Variants in SLC35A5 observed in about 807,000 individuals in gnomAD.
The protein encoded by SLC35A5 is UDP-sugar transporter protein SLC35A5.
Under a neutral mutation model 36.3 loss-of-function variants are expected in SLC35A5, and 28 were observed. That is an observed-to-expected ratio of 0.77 (90% CI 0.57 to 1.06). The LOEUF is 1.06. Among genes scored for constraint, SLC35A5 ranks in the 50% least tolerant of loss-of-function variants. The pLI, the probability that SLC35A5 is intolerant of heterozygous loss-of-function variation, is 0.00. For synonymous variants in SLC35A5, 180 were observed against 173.7 expected (o/e 1.04, Z -0.29); for missense variants, 521 against 499.3 (o/e 1.04, Z -0.41).
Position 112,563,522 on chromosome 3 carries a change from C to G in SLC35A5, c.119C>G (p.Ser40Cys). 1 of 1,601,032 alleles carries G rather than the reference C, an allele frequency of 6.2e-7. No homozygotes were observed. The highest frequency in any genetic ancestry group is 8.5e-7 in the Non-Finnish European group (1 of 1,170,260). ...AGTCGCATCTTACTAGTGAAGTATT[C>G]TGCCAATGAAGGTAAGTTAAGACTT... ...SSSRILLVKY[S>C]ANEENKYDYL... is the part of the protein sequence containing the mutation. The change falls in exon 2 of 7, where the codon TCT becomes TGT. Residue 40 changes from serine (S) to cysteine (C), a missense_variant. Transcript: ENST00000492406.
At position 112,584,075 on chromosome 3, in the gene SLC35A5, A is replaced by T. The variant is rs1442289303; in HGVS notation, c.*1339A>T. 6.6e-6 allele frequency: 1 copy of T among 152,182 alleles called. No homozygotes were observed. Among genetic ancestry groups the T allele is most frequent in the Non-Finnish European group, 1.5e-5 (1 of 68,030 alleles). The allele number at this position is 152,182 out of a possible 1,614,324, so 9.4% of individuals were successfully genotyped here. Reference sequence around the variant, plus strand: ...GATGAATATAAGGTAATATACTATTATATAATTCATTTGTGATATCCACAA... The same window carrying T: ...GATGAATATAAGGTAATATACTATTTTATAATTCATTTGTGATATCCACAA... On this transcript the variant is annotated 3_prime_UTR_variant, in exon 7 of 7. Transcript: ENST00000492406.
In SLC35A5 at chr3:112,569,237, G is replaced by A. The variant is rs1162399639; in HGVS notation, c.197G>A (p.Cys66Tyr). The A allele has an allele frequency of 6.2e-7, 1 of 1,613,990 alleles. No individual in the cohort carries two copies. The highest frequency in any genetic ancestry group is 1.7e-5 in the Admixed American group (1 of 60,018). ...TCAGAACTGGTGAAGCTAGTTTTCT[G>A]TGTGCTTGTGTCATTCTGTGTTATA... ...VCSELVKLVF[C>Y]VLVSFCVIKK... is the part of the protein sequence containing the mutation. Residue 66 changes from cysteine to tyrosine, a missense_variant, in exon 3 of 7, where the codon TGT (cysteine) becomes TAT (tyrosine). Transcript: ENST00000492406.
chr3:112,579,808 C>T (rs1408860772), intron 5 of SLC35A5, among the ~76,000 whole-genome samples: 1 of 152,066 alleles, frequency 6.6e-6, no homozygotes, highest in East Asian at 1.9e-4. Flanking sequence ...CTTTATCGCC[C>T]CAGGTTGCCT....
At chr3:112,574,089 G>A in intron 5 of SLC35A5, 133 bp downstream of exon 5, 1 of 712,564 alleles carries the variant, frequency 1.4e-6, no homozygotes. Flanking sequence ...TTGTGTACTG[G>A]GCACGTTTAA....
intron 2 of SLC35A5, among the ~76,000 whole-genome samples, chr3:112,568,424 G>A (rs1314893091): frequency 2.0e-5 from 3 of 152,218 alleles, no homozygotes; most frequent in African/African-American, 4.8e-5. Context: ...AAAGCGAGTT[G>A]TTTGTAAGCA....
At chr3:112,565,980 T>G (rs1934180286) in intron 2 of SLC35A5, among the ~76,000 whole-genome samples, 1 of 152,158 alleles carries the variant, frequency 6.6e-6, no homozygotes, top group South Asian at 2.1e-4. Flanking sequence ...GGTAGCTGGA[T>G]GGCAGTGGAA....
chr3:112,577,869 CTCTT>C (rs1315960342), intron 5 of SLC35A5, among the ~76,000 whole-genome samples: 1 of 152,136 alleles, frequency 6.6e-6, no homozygotes, highest in Non-Finnish European at 1.5e-5. Context: ...CCTTGTCACT[CTCTT>C]TGTGCTACTA....
rs532044551 is a variant in SLC35A5 at position 112,581,995 on chromosome 3, A to G, written c.1209+669A>G. On this transcript the variant is annotated intron_variant, in intron 6 of 6. Coordinates refer to ENST00000492406, the MANE Select transcript of SLC35A5 (RefSeq NM_017945.5). ...GCAATTGTTTTGGAAGGCTCTGTCA[A>G]TCATTTTATTGGCAAGTTAATGATC... Among the ~76,000 whole-genome samples the G allele has an allele frequency of 1.3e-4, 20 of 152,328 alleles. No homozygotes were observed. The South Asian group carries it at 3.3e-3, about 25-fold the overall frequency.
rs552073239 is a variant in SLC35A5 at position 112,563,485 on chromosome 3, G to T, written c.82G>T (p.Ala28Ser). 6.2e-7 allele frequency: 1 copy of T among 1,607,770 alleles called. No homozygotes were observed. The highest frequency in any genetic ancestry group is 2.2e-5 in the East Asian group (1 of 44,750). Residue 28 changes from alanine to serine, a missense_variant, in exon 2 of 7, where the codon GCT becomes TCT. Coordinates refer to ENST00000492406, the MANE Select transcript of SLC35A5 (RefSeq NM_017945.5). ...YTFLLGAIFI[A>S]LSSSRILLVK... is the part of the protein sequence containing the mutation. ...ATTCCTGCTAGGTGCCATATTCATTGCTTTAAGCTCAAGTCGCATCTTACT... is the reference window on the plus strand; with the variant it reads ...ATTCCTGCTAGGTGCCATATTCATTTCTTTAAGCTCAAGTCGCATCTTACT...
chr3:112,567,789 A>C (rs756149419), intron 2 of SLC35A5, among the ~76,000 whole-genome samples: 1 of 152,234 alleles, frequency 6.6e-6, no homozygotes, highest in Non-Finnish European at 1.5e-5. Context: ...GGACTGCAAG[A>C]AAACCACTGA....
Position 112,569,160 on chromosome 3 carries a change from T to C in SLC35A5, c.131-11T>C. The stretch of plus-strand genomic sequence containing the variant: ...AATATATAGTTAAAAAACATTTCTG[T>C]TACATTTCAGAAAACAAGTATGATT... On this transcript the variant is annotated splice_polypyrimidine_tract_variant and intron_variant, in intron 2 of 6. Coordinates refer to ENST00000492406, the MANE Select transcript of SLC35A5 (RefSeq NM_017945.5). The C allele has an allele frequency of 1.3e-6, 2 of 1,597,288 alleles. No individual in the cohort carries two copies. Among genetic ancestry groups the C allele is most frequent in the Non-Finnish European group, 1.7e-6 (2 of 1,165,446 alleles).
chr3:112,563,648 AGTGATAAAGCATATTT>A (rs1934054567), intron 2 of SLC35A5, 115 bp downstream of exon 2: 16 of 1,094,944 alleles, frequency 1.5e-5, no homozygotes, highest in Non-Finnish European at 1.9e-5. Context: ...GCTTCATGTG[AGTGATAAAGCATATTT>A]AAATTTGATT....
chr3:112,581,530 T>C (rs1428398995), intron 6 of SLC35A5, among the ~76,000 whole-genome samples: 1 of 152,210 alleles, frequency 6.6e-6, no homozygotes, highest in Non-Finnish European at 1.5e-5. Flanking sequence ...AGAAAAAGTA[T>C]AAGTCAATCT....
At chr3:112,573,815 G>T in intron 4 of SLC35A5, 74 bp from the exon 5 acceptor site, 2 of 1,260,146 alleles carry the variant, frequency 1.6e-6, no homozygotes, top group South Asian at 1.3e-5. Context: ...TTTGTCAGGT[G>T]AACTGCCAAG....
upstream of SLC35A5, chr3:112,561,402 C>T: frequency 6.4e-7 from 1 of 1,573,106 alleles, no homozygotes; most frequent in Non-Finnish European, 8.7e-7. Flanking sequence ...GGCGCCTGGT[C>T]CCTGAAAAGT....
chr3:112,573,799 G>C, intron 4 of SLC35A5, 90 bp from the exon 5 acceptor site: 1 of 1,049,590 alleles, frequency 9.5e-7, no homozygotes, highest in Non-Finnish European at 1.4e-6. Flanking sequence ...TGACCAAAAA[G>C]CTTTTTTTGT....
chr3:112,575,137 G>A (rs774476543), intron 5 of SLC35A5, among the ~76,000 whole-genome samples: 18 of 152,208 alleles, frequency 1.2e-4, no homozygotes, highest in East Asian at 1.2e-3. Context: ...ATAGATTAGC[G>A]ATGTACTTCT....
chr3:112,577,703 A>G (rs1934732504), intron 5 of SLC35A5, among the ~76,000 whole-genome samples: 1 of 152,234 alleles, frequency 6.6e-6, no homozygotes, highest in Non-Finnish European at 1.5e-5. Flanking sequence ...ATTTTGAAAC[A>G]TGGTGGATGT....
chr3:112,568,234 A>T (rs1934285799), intron 2 of SLC35A5, among the ~76,000 whole-genome samples: 1 of 152,236 alleles, frequency 6.6e-6, no homozygotes. Context: ...AAGGGAAACC[A>T]CAGGAGAGTG....
Sources: gnomAD v4.1 joint callset for allele counts (sites outside exome capture counted in the v4.1 genomes callset) on GRCh38, gnomAD v4.1.1 for gene constraint, MANE v1.5 for transcripts, NCBI Gene and HGNC (gene_info 2026-07-23, HGNC 2026-07-21) for gene names.